Variants in LMBR1 observed in about 807,000 individuals in gnomAD.
LMBR1 encodes limb development membrane protein 1, also known as limb region 1 protein homolog.
In LMBR1, 52 loss-of-function variants were observed where a neutral mutation model predicts 73.9. The ratio of observed to expected loss-of-function variants is 0.70; its 90% CI spans 0.56 to 0.89. LMBR1 has a LOEUF of 0.89. LMBR1 is among the 40% of genes least tolerant of loss of function. The probability of loss-of-function intolerance (pLI) is 0.00; values close to 1 mark genes in which losing one functional copy is unlikely to be tolerated. For synonymous variants in LMBR1, 215 were observed against 209.4 expected (o/e 1.03, Z -0.23); for missense variants, 539 against 579.8 (o/e 0.93, Z 0.72).
chr7:156,839,731 G>T (rs982204166), intron 1 of LMBR1, among the ~76,000 whole-genome samples: 1 of 152,106 alleles, frequency 6.6e-6, no homozygotes, highest in Non-Finnish European at 1.5e-5. Context: ...AATACACAAG[G>T]GAGAGAAACA....
At chr7:156,840,279 A>T (rs1031590263) in intron 1 of LMBR1, among the ~76,000 whole-genome samples, 1 of 152,180 alleles carries the variant, frequency 6.6e-6, no homozygotes. Context: ...GTGTCGTATG[A>T]TAATTATGCA....
intron 3 of LMBR1, among the ~76,000 whole-genome samples, chr7:156,832,832 T>G (rs1836921300): frequency 6.6e-6 from 1 of 152,078 alleles, no homozygotes; most frequent in African/African-American, 2.4e-5. Flanking sequence ...ATTATCAAGG[T>G]CAGGAAAGTC....
chr7:156,837,102 T>A (rs1837770546), intron 1 of LMBR1, among the ~76,000 whole-genome samples: 1 of 151,496 alleles, frequency 6.6e-6, no homozygotes. Flanking sequence ...GGCGGGTGGA[T>A]CATCTGAGGT....
chr7:156,739,258 G>C (rs912508389), intron 9 of LMBR1, among the ~76,000 whole-genome samples: 1 of 152,126 alleles, frequency 6.6e-6, no homozygotes, highest in Admixed American at 6.5e-5. Context: ...TATGGTTTGA[G>C]GGTCAGTTTA....
Position 156,756,518 on chromosome 7 carries a change from T to C in LMBR1, c.685-53A>G, listed in dbSNP as rs1258526375. 2.1e-5 allele frequency: 18 copies of C among 852,166 alleles called. No homozygotes were observed. In the South Asian group the frequency reaches 2.6e-4, roughly 13 times the overall value. 52.8% of individuals were successfully genotyped at this position (852,166 alleles called of 1,614,324 possible). A position where few individuals can be genotyped will look rare whatever the true frequency, so the allele number is the denominator to read the frequency against. On this transcript the variant is annotated intron_variant, in intron 8 of 16. Coordinates refer to ENST00000353442, the MANE Select transcript of LMBR1 (RefSeq NM_022458.4). ...AATTCAACGTTATAAAACGAATGCT[T>C]ATGAGACCATTTAGGCTATTTGGTC...
chr7:156,691,279 A>G (rs1433013878), intron 15 of LMBR1, among the ~76,000 whole-genome samples: 1 of 152,212 alleles, frequency 6.6e-6, no homozygotes, highest in Non-Finnish European at 1.5e-5. Flanking sequence ...TAGTAAGTTA[A>G]GCAGTAGTTA....
At chr7:156,795,912 A>T (rs1056306143) in intron 5 of LMBR1, among the ~76,000 whole-genome samples, 1 of 152,194 alleles carries the variant, frequency 6.6e-6, no homozygotes, top group Non-Finnish European at 1.5e-5. Flanking sequence ...ATTCCAATGC[A>T]TAAAAGCCAG....
At position 156,837,959 on chromosome 7, in the gene LMBR1, G is replaced by T. The variant is rs980775869; in HGVS notation, c.67-1074C>A. ...GCAACACCATGCCTGGCTAATTCTTGTATTTTTTGGCAAAGATGGGGTTTT... is the reference window on the plus strand; with the variant it reads ...GCAACACCATGCCTGGCTAATTCTTTTATTTTTTGGCAAAGATGGGGTTTT... On this transcript the variant is annotated intron_variant, in intron 1 of 16. Transcript: ENST00000353442. Among the ~76,000 whole-genome samples, 17 of 151,880 alleles carry T rather than the reference G, an allele frequency of 1.1e-4. No homozygotes were observed. The East Asian group carries it at 3.3e-3, about 29-fold the overall frequency.
At chr7:156,783,077 A>C (rs1223138633) in intron 5 of LMBR1, among the ~76,000 whole-genome samples, 2 of 152,198 alleles carry the variant, frequency 1.3e-5, no homozygotes, top group Non-Finnish European at 2.9e-5. Flanking sequence ...TGCTTGTCAC[A>C]TTCTATAAGA....
chr7:156,867,148 G>A (rs188857040), intron 1 of LMBR1, among the ~76,000 whole-genome samples: 8 of 152,224 alleles, frequency 5.3e-5, no homozygotes, highest in Admixed American at 2.6e-4. Flanking sequence ...CACAACAGCC[G>A]ATAAGCACAT....
intron 1 of LMBR1, among the ~76,000 whole-genome samples, chr7:156,868,156 A>G (rs915328949): frequency 1.3e-5 from 2 of 152,026 alleles, no homozygotes; most frequent in East Asian, 3.9e-4. Flanking sequence ...CTAAAGAATC[A>G]TGAGATCTAT....
At chr7:156,761,050 T>TA (rs1822886581) in intron 8 of LMBR1, among the ~76,000 whole-genome samples, 1 of 152,208 alleles carries the variant, frequency 6.6e-6, no homozygotes, top group Admixed American at 6.5e-5. Flanking sequence ...CTGGAGCAGG[T>TA]AAGAGGCCTT....
chr7:156,768,359 C>CAA, intron 5 of LMBR1, among the ~76,000 whole-genome samples: 1 of 146,010 alleles, frequency 6.8e-6, no homozygotes, highest in South Asian at 2.2e-4. Context: ...GACTCGGTCT[C>CAA]AAAAAAAAAC....
At chr7:156,752,871 A>G (rs1485335320) in intron 9 of LMBR1, among the ~76,000 whole-genome samples, 1 of 151,992 alleles carries the variant, frequency 6.6e-6, no homozygotes, top group Non-Finnish European at 1.5e-5. Flanking sequence ...CAATCCAGTG[A>G]GACCACAAAA....
chr7:156,828,651 G>A (rs983275025), intron 3 of LMBR1, among the ~76,000 whole-genome samples: 3 of 152,156 alleles, frequency 2.0e-5, no homozygotes, highest in Non-Finnish European at 4.4e-5. Flanking sequence ...TCTTTGCAAG[G>A]TGATGATAAT....
At chr7:156,858,410 T>C (rs1286087027) in intron 1 of LMBR1, among the ~76,000 whole-genome samples, 1 of 152,228 alleles carries the variant, frequency 6.6e-6, no homozygotes, top group African/African-American at 2.4e-5. Context: ...TCTATGTCTA[T>C]TAAAGAAACC....
chr7:156,885,656 C>T (rs1056155775), intron 1 of LMBR1, among the ~76,000 whole-genome samples: 5 of 152,094 alleles, frequency 3.3e-5, no homozygotes, highest in African/African-American at 1.2e-4. Context: ...GCAGGAGGAT[C>T]ACTTGAGGTC....
intron 1 of LMBR1, among the ~76,000 whole-genome samples, chr7:156,874,927 C>A (rs1222644647): frequency 6.6e-6 from 1 of 152,154 alleles, no homozygotes; most frequent in Non-Finnish European, 1.5e-5. Context: ...GGCTAACCAG[C>A]AATGGATCCA....
At chr7:156,819,675 G>A (rs886820978) in intron 4 of LMBR1, among the ~76,000 whole-genome samples, 5 of 152,152 alleles carry the variant, frequency 3.3e-5, no homozygotes, top group South Asian at 2.1e-4. Context: ...CAGACCGTTC[G>A]TGAACTTCTG....
Sources: gnomAD v4.1 joint callset for allele counts (sites outside exome capture counted in the v4.1 genomes callset) on GRCh38, gnomAD v4.1.1 for gene constraint, MANE v1.5 for transcripts, NCBI Gene and HGNC (gene_info 2026-07-23, HGNC 2026-07-21) for gene names.